The following HMCN1 variants were observed in gnomAD, a reference collection of about 807,000 sequenced individuals.
HMCN1 encodes hemicentin 1, also known as hemicentin-1.
In HMCN1, 321 loss-of-function variants were observed where a neutral mutation model predicts 625.9. That is an observed-to-expected ratio of 0.51 (90% CI 0.47 to 0.56). The LOEUF (loss-of-function observed/expected upper bound fraction) is 0.56. Ranked by LOEUF, HMCN1 falls within the 20% of genes least tolerant of loss-of-function variation. HMCN1 has a pLI of 0.00. For synonymous variants in HMCN1, 2,425 were observed against 2,417.6 expected (o/e 1.00, Z -0.09); for missense variants, 6,588 against 6,887.3 (o/e 0.96, Z 1.54).
chr1:185,894,905 G>A (rs1665399518), intron 4 of HMCN1, among the ~76,000 whole-genome samples: 1 of 151,812 alleles, frequency 6.6e-6, no homozygotes. Flanking sequence ...GGTAGTTTCT[G>A]GCAATATCTT....
intron 62 of HMCN1, 83 bp downstream of exon 62, chr1:186,088,359 T>A (rs573153473): frequency 6.3e-7 from 1 of 1,597,684 alleles, no homozygotes; most frequent in Non-Finnish European, 8.5e-7. Context: ...TAGCACATTT[T>A]AAGTACCATG....
At chr1:186,162,292 T>TGTAG in intron 97 of HMCN1, among the ~76,000 whole-genome samples, 1 of 152,284 alleles carries the variant, frequency 6.6e-6, no homozygotes, top group African/African-American at 2.4e-5. Flanking sequence ...CATTTCTCTG[T>TGTAG]ATTGGTTATT....
intron 1 of HMCN1, among the ~76,000 whole-genome samples, chr1:185,744,137 C>T (rs567391194): frequency 2.0e-5 from 3 of 151,412 alleles, no homozygotes; most frequent in African/African-American, 7.3e-5. Context: ...TACAGGCGCC[C>T]GCCACCACAC....
intron 1 of HMCN1, among the ~76,000 whole-genome samples, chr1:185,777,033 G>A (rs915736528): frequency 2.8e-4 from 43 of 152,302 alleles, no homozygotes; most frequent in African/African-American, 9.9e-4. Context: ...TACTGTTCAA[G>A]TGTAAAAGTG....
At chr1:186,183,117 G>A (rs1653043319) in intron 105 of HMCN1, among the ~76,000 whole-genome samples, 1 of 152,128 alleles carries the variant, frequency 6.6e-6, no homozygotes, top group Admixed American at 6.5e-5. Flanking sequence ...GTCTTAATAA[G>A]CTTTTGAACT....
chr1:186,032,844 G>T (rs1229900730), intron 36 of HMCN1, among the ~76,000 whole-genome samples: 1 of 151,992 alleles, frequency 6.6e-6, no homozygotes, highest in Non-Finnish European at 1.5e-5. Context: ...CCACTATGGA[G>T]AACAGTATGA....
At chr1:186,147,151 T>G (rs1650364281) in intron 93 of HMCN1, among the ~76,000 whole-genome samples, 1 of 152,226 alleles carries the variant, frequency 6.6e-6, no homozygotes, top group African/African-American at 2.4e-5. Context: ...CCCTCTCAGA[T>G]GTGGCAAGCC....
intron 6 of HMCN1, among the ~76,000 whole-genome samples, chr1:185,921,963 A>G (rs1667026524): frequency 6.6e-6 from 1 of 152,240 alleles, no homozygotes; most frequent in South Asian, 2.1e-4. Flanking sequence ...AGAGGCAAAG[A>G]AGAAATAAAT....
At chr1:185,985,479 G>T (rs532397687) in intron 19 of HMCN1, among the ~76,000 whole-genome samples, 76 of 152,162 alleles carry the variant, frequency 5.0e-4, no homozygotes, top group African/African-American at 1.8e-3. Context: ...TTTCACTTGG[G>T]TGAAAAAAAT....
intron 95 of HMCN1, among the ~76,000 whole-genome samples, chr1:186,151,973 CTCTTT>C (rs371667818): frequency 1.3e-3 from 196 of 152,246 alleles, no homozygotes; most frequent in African/African-American, 4.5e-3. Flanking sequence ...TTCTCCTCTC[CTCTTT>C]TCTTCTTTTT....
chr1:186,155,037 G>C (rs1301900919), intron 97 of HMCN1, among the ~76,000 whole-genome samples: 5 of 152,148 alleles, frequency 3.3e-5, no homozygotes, highest in African/African-American at 1.2e-4. Flanking sequence ...GATTCACATT[G>C]ACCTTGTCAA....
intron 2 of HMCN1, among the ~76,000 whole-genome samples, chr1:185,853,167 TA>T (rs905894081): frequency 6.6e-5 from 10 of 152,178 alleles, no homozygotes; most frequent in Non-Finnish European, 1.3e-4. Flanking sequence ...AAGACAGATG[TA>T]TGTCTAGGGC....
intron 1 of HMCN1, among the ~76,000 whole-genome samples, chr1:185,830,414 T>G (rs895350493): frequency 1.3e-5 from 2 of 152,158 alleles, no homozygotes; most frequent in African/African-American, 4.8e-5. Flanking sequence ...CCATCTTGAG[T>G]TAATTTTTGT....
At position 186,093,657 on chromosome 1, in the gene HMCN1, G is replaced by A; in HGVS notation, c.10184G>A (p.Gly3395Glu). ...LSSHIRLLAA[G>E]QVIRIVRAQV... ...TCCCATATCCGGTTACTGGCAGCAG[G>A]ACAAGTTATCAGGTCAGCTTTTATT... The change falls in exon 66 of 107, where the codon GGA (glycine) becomes GAA (glutamate). Residue 3395 changes from glycine (G) to glutamate (E), a missense_variant. By Grantham distance (98) the Gly-to-Glu change is moderately conservative (BLOSUM62 -2). Coordinates refer to ENST00000271588, the MANE Select transcript of HMCN1 (RefSeq NM_031935.3). The A allele has an allele frequency of 6.2e-7, 1 of 1,613,246 alleles. No individual in the cohort carries two copies. Among genetic ancestry groups the A allele is most frequent in the Non-Finnish European group, 8.5e-7 (1 of 1,179,496 alleles).
At position 186,055,428 on chromosome 1, in the gene HMCN1, A is replaced by G. The variant is rs1225619522; in HGVS notation, c.6898A>G (p.Thr2300Ala). Residue 2300 changes from threonine to alanine, a missense_variant, in exon 45 of 107, where the codon ACT becomes GCT. Thr to Ala is a moderately conservative substitution (Grantham distance 58, BLOSUM62 0). Transcript: ENST00000271588. The stretch of plus-strand genomic sequence containing the variant: ...CATAACCAACAGTGGCAGCCACCCT[A>G]CTGAAATTATTGTGACCCGAGGGAA... ...PTITNSGSHP[T>A]EIIVTRGKSI... The G allele has an allele frequency of 2.5e-6, 4 of 1,612,480 alleles. No homozygotes were observed. The African/African-American group carries it at 4.0e-5, about 16-fold the overall frequency.
At chr1:185,795,940 C>T (rs1301764747) in intron 1 of HMCN1, among the ~76,000 whole-genome samples, 4 of 152,068 alleles carry the variant, frequency 2.6e-5, no homozygotes, top group African/African-American at 9.7e-5. Flanking sequence ...AGCTATGCTA[C>T]CTTATTATTT....
intron 105 of HMCN1, among the ~76,000 whole-genome samples, chr1:186,183,017 T>C (rs995581292): frequency 2.6e-5 from 4 of 152,226 alleles, no homozygotes; most frequent in Non-Finnish European, 4.4e-5. Context: ...CATGTACTTA[T>C]ATTAAGGAGA....
At chr1:185,756,706 A>G (rs943633993) in intron 1 of HMCN1, among the ~76,000 whole-genome samples, 4 of 152,114 alleles carry the variant, frequency 2.6e-5, no homozygotes, top group Admixed American at 2.0e-4. Flanking sequence ...TTCCTTGCCA[A>G]TCTTCTAAAT....
At position 186,023,281 on chromosome 1, in the gene HMCN1, A is replaced by T. The variant is rs528802174; in HGVS notation, c.5749+128A>T. 7 of 820,920 alleles carry T rather than the reference A, an allele frequency of 8.5e-6. No homozygotes were observed. The South Asian group carries it at 9.9e-5, about 12-fold the overall frequency. The allele number at this position is 820,920 out of a possible 1,614,324, so 50.9% of individuals were successfully genotyped here. On this transcript the variant is annotated intron_variant, in intron 36 of 106. Transcript: ENST00000271588. ...TATTTTCTTAGTCTGTATAAAAAAA[A>T]CCTAGGGTTTTTTTTTTTTTTTTAC...
Sources: gnomAD v4.1 joint callset for allele counts (sites outside exome capture counted in the v4.1 genomes callset) on GRCh38, gnomAD v4.1.1 for gene constraint, MANE v1.5 for transcripts, NCBI Gene and HGNC (gene_info 2026-07-23, HGNC 2026-07-21) for gene names.